Variants in BRF1 observed in about 807,000 individuals in gnomAD.
BRF1 encodes BRF1 general transcription factor IIIB subunit.
BRF1 carries 59 observed loss-of-function variants against 81.7 expected under a neutral mutation model. The ratio of observed to expected loss-of-function variants is 0.72; its 90% CI spans 0.59 to 0.90. The LOEUF (loss-of-function observed/expected upper bound fraction) is 0.90, where lower values mean the gene tolerates loss of function less well. Among genes scored for constraint, BRF1 ranks in the 40% least tolerant of loss-of-function variants. BRF1 has a pLI of 0.00. For missense variants in BRF1, 1,050 were observed against 936.3 expected (o/e 1.12, Z -1.58); for synonymous variants, 491 against 395.6 (o/e 1.24, Z -2.86).
chr14:105,306,720 C>T (rs1057038444), intron 1 of BRF1, among the ~76,000 whole-genome samples: 4 of 152,224 alleles, frequency 2.6e-5, no homozygotes, highest in Non-Finnish European at 5.9e-5. Flanking sequence ...ATTCTCCTGC[C>T]TCAGCCTCCC....
chr14:105,298,817 T>C (rs2057849395), intron 1 of BRF1, among the ~76,000 whole-genome samples: 1 of 149,502 alleles, frequency 6.7e-6, no homozygotes, highest in African/African-American at 2.5e-5. Context: ...ATTGTGCCAC[T>C]GCACTCCAGC....
Position 105,269,256 on chromosome 14 carries a change from G to A in BRF1, c.439+3465C>T, listed in dbSNP as rs889529104. Among the ~76,000 whole-genome samples the A allele has an allele frequency of 1.3e-5, 2 of 152,038 alleles. No individual in the cohort carries two copies. Among genetic ancestry groups the A allele is most frequent in the African/African-American group, 2.4e-5 (1 of 41,372 alleles). On this transcript the variant is annotated intron_variant, in intron 3 of 17. Coordinates refer to ENST00000547530, the MANE Select transcript of BRF1 (RefSeq NM_001519.4). This position sits in a 1 kb window ranked among gnomAD's most constrained non-coding sequence, Gnocchi z 5.0. The stretch of plus-strand genomic sequence containing the variant: ...AAGCAGGGGTGGGCTGGGAAGTGAG[G>A]GCTACAGCTACCCGAGACCAGCCCG...
chr14:105,304,777 C>G (rs981844839), upstream of BRF1, among the ~76,000 whole-genome samples: 3 of 152,226 alleles, frequency 2.0e-5, no homozygotes, highest in African/African-American at 7.2e-5. Context: ...TCACGTCTTA[C>G]GTGGATGGCA....
Position 105,218,370 on chromosome 14 carries a change from T to C in BRF1, c.1516-570A>G, listed in dbSNP as rs945858275. 8.5e-5 allele frequency among the ~76,000 whole-genome samples: 13 copies of C among 152,234 alleles called. 1 individual carries two copies. Among genetic ancestry groups the C allele is most frequent in the African/African-American group, 2.9e-4 (12 of 41,540 alleles). On this transcript the variant is annotated intron_variant, in intron 14 of 17. Transcript: ENST00000547530. ...CCCAGCAAGGCCTGGGACGTGCTGC[T>C]GGGTGGGGTGGAGTCCCTGGGCTCC...
At chr14:105,267,782 T>C (rs778335048) in intron 3 of BRF1, among the ~76,000 whole-genome samples, 1 of 152,180 alleles carries the variant, frequency 6.6e-6, no homozygotes, top group Non-Finnish European at 1.5e-5. Flanking sequence ...AAGGAGGTGC[T>C]GGCCAGAACA....
chr14:105,267,697 T>TA (rs2056482047), intron 3 of BRF1, among the ~76,000 whole-genome samples: 1 of 152,142 alleles, frequency 6.6e-6, no homozygotes, highest in African/African-American at 2.4e-5. Flanking sequence ...TCTGACCACT[T>TA]AAACTGTTAT....
rs1282712513 is a variant in BRF1 at position 105,262,652 on chromosome 14, C to G, written c.440-6103G>C. ...GCCTCCCACAGAGCTGGGAGCCTGG[C>G]TCTGTCCCAGCCACACTGAGGTGGT... On this transcript the variant is annotated intron_variant, in intron 3 of 17. Coordinates refer to ENST00000547530, the MANE Select transcript of BRF1 (RefSeq NM_001519.4). Among the ~76,000 whole-genome samples, 4 of 152,304 alleles carry G rather than the reference C, an allele frequency of 2.6e-5. No individual in the cohort carries two copies. The East Asian group carries it at 7.7e-4, about 29-fold the overall frequency.
chr14:105,274,684 G>A (rs2056805316), intron 2 of BRF1, among the ~76,000 whole-genome samples: 1 of 152,256 alleles, frequency 6.6e-6, no homozygotes, highest in Non-Finnish European at 1.5e-5. Flanking sequence ...AAATGTCAAT[G>A]CAGAGTACAG....
chr14:105,252,257 T>C (rs868280700), intron 5 of BRF1: 3 of 575,416 alleles, frequency 5.2e-6, no homozygotes, highest in Non-Finnish European at 6.6e-6. Flanking sequence ...CGAGGATCAC[T>C]TGAGGCCAGG....
At position 105,226,060 on chromosome 14, in the gene BRF1, T is replaced by G; in HGVS notation, c.1048+9A>C. 1.2e-6 allele frequency: 2 copies of G among 1,612,566 alleles called. No homozygotes were observed. The highest frequency in any genetic ancestry group is 1.7e-6 in the Non-Finnish European group (2 of 1,179,104). Reference sequence around the variant, plus strand: ...AGGTCTGAATAGGGGCCGGGCACAGTGGACTCACCATCTTTTGCCAGGCTG... The same window carrying G: ...AGGTCTGAATAGGGGCCGGGCACAGGGGACTCACCATCTTTTGCCAGGCTG... On this transcript the variant is annotated intron_variant, in intron 10 of 17. Coordinates refer to ENST00000547530, the MANE Select transcript of BRF1 (RefSeq NM_001519.4).
rs377133821 is a variant in BRF1, at chr14:105,211,240, C to T, written c.1878G>A (p.Ala626=). The T allele has an allele frequency of 7.5e-6, 12 of 1,609,438 alleles. No homozygotes were observed. The highest frequency in any genetic ancestry group is 6.7e-5 in the African/African-American group (5 of 74,888). The change falls in exon 17 of 18, where the codon GCG becomes GCA. Residue 626 remains alanine (A), a synonymous_variant. Coordinates refer to ENST00000547530, the MANE Select transcript of BRF1 (RefSeq NM_001519.4). ...TLGAEPARPQ[A]VLVESGPVSY... is the part of the protein sequence containing the mutation. Reference sequence around the variant, plus strand: ...ACACGGGCCCGCTCTCCACCAGCACCGCCTGGGGCCTGGCAGGCTCAGCTC... The same window carrying T: ...ACACGGGCCCGCTCTCCACCAGCACTGCCTGGGGCCTGGCAGGCTCAGCTC...
intron 2 of BRF1, among the ~76,000 whole-genome samples, chr14:105,285,198 A>C (rs1344017876): frequency 6.6e-6 from 1 of 152,242 alleles, no homozygotes; most frequent in African/African-American, 2.4e-5. Context: ...AAGGGACTTC[A>C]AACAGGCAGC....
chr14:105,244,119 G>C (rs1488644730), intron 5 of BRF1, among the ~76,000 whole-genome samples: 1 of 151,188 alleles, frequency 6.6e-6, no homozygotes, highest in Non-Finnish European at 1.5e-5. Flanking sequence ...GGTCAGCCTG[G>C]GAAACACAGC....
chr14:105,215,824 T>C (rs111206936), intron 15 of BRF1, among the ~76,000 whole-genome samples: 3,853 of 78,802 alleles, frequency 0.049, 236 homozygotes, highest in African/African-American at 0.18. Flanking sequence ...CACACACACA[T>C]GCACACACAC....
intron 7 of BRF1, among the ~76,000 whole-genome samples, chr14:105,228,602 G>A (rs1053336454): frequency 3.3e-5 from 5 of 151,728 alleles, no homozygotes; most frequent in South Asian, 4.2e-4. Context: ...GGATAGGGCC[G>A]GCCCCAGAAG....
intron 4 of BRF1, among the ~76,000 whole-genome samples, chr14:105,254,381 T>C (rs2055764534): frequency 6.6e-6 from 1 of 152,064 alleles, no homozygotes; most frequent in South Asian, 2.1e-4. Context: ...CTCAGCCTCC[T>C]GAGTAGTCAG....
At chr14:105,219,824 G>C in intron 12 of BRF1, 1 of 572,336 alleles carries the variant, frequency 1.7e-6, no homozygotes, top group South Asian at 2.1e-5. Flanking sequence ...GCTATGTGCC[G>C]AGGGCCGCAA....
chr14:105,241,114 G>A (rs587606763), intron 6 of BRF1, 151 bp downstream of exon 6: 180 of 1,266,106 alleles, frequency 1.4e-4, no homozygotes, highest in Middle Eastern at 5.6e-4. Context: ...TGAGGACCCC[G>A]GTGGGCCAGG....
chr14:105,224,189 C>T (rs149272369), intron 10 of BRF1, among the ~76,000 whole-genome samples: 146 of 152,244 alleles, frequency 9.6e-4, no homozygotes, highest in African/African-American at 3.2e-3. Context: ...GCCAACGTGG[C>T]GAAACCCCGT....
Sources: allele counts gnomAD v4.1 joint callset (sites outside exome capture counted in the v4.1 genomes callset), GRCh38; gene constraint gnomAD v4.1.1; non-coding constraint Gnocchi (gnomAD v3.1); transcripts MANE v1.5; gene names NCBI Gene and HGNC (gene_info 2026-07-23, HGNC 2026-07-21).